Variants in PELI2 observed in about 807,000 individuals in gnomAD.
PELI2 encodes the protein E3 ubiquitin-protein ligase pellino homolog 2.
A neutral mutation model predicts 42.3 loss-of-function variants in PELI2; 23 were observed. That is an observed-to-expected ratio of 0.54 (90% confidence interval 0.39 to 0.77). PELI2 has a LOEUF of 0.77. Among genes scored for constraint, PELI2 ranks in the 30% least tolerant of loss-of-function variants. The pLI is 0.00. For synonymous variants in PELI2, 245 were observed against 212.2 expected (o/e 1.15, Z -1.34); for missense variants, 463 against 553.2 (o/e 0.84, Z 1.64).
rs2139564923 is a variant in PELI2, at chr14:56,118,528, C to G, written c.-133C>G. The G allele has an allele frequency of 4.2e-6, 2 of 480,382 alleles. No individual in the cohort carries two copies. Among genetic ancestry groups the G allele is most frequent in the Non-Finnish European group, 6.6e-6 (2 of 303,570 alleles). 29.8% of individuals were successfully genotyped at this position (480,382 alleles called of 1,614,324 possible). On this transcript the variant is annotated 5_prime_UTR_variant, in exon 1 of 6. Coordinates refer to ENST00000267460, the MANE Select transcript of PELI2 (RefSeq NM_021255.3). Reference sequence around the variant, plus strand: ...AGCGGGACTGGCCGCCCCGCGCCCCCTTCGCCGCCGTGCCCTTCCCCGGCG... The same window carrying G: ...AGCGGGACTGGCCGCCCCGCGCCCCGTTCGCCGCCGTGCCCTTCCCCGGCG...
chr14:56,123,668 A>G (rs980363289), intron 1 of PELI2, among the ~76,000 whole-genome samples: 3 of 152,082 alleles, frequency 2.0e-5, no homozygotes, highest in Non-Finnish European at 4.4e-5. Context: ...AGGTCTTTTC[A>G]TTTCTGGTTG....
rs1466408332 is a variant in PELI2, at chr14:56,219,914, T to C, written c.207+41450T>C. ...GCAGCCTCCTTAAAACAGCTCAGGA[T>C]TGAAAAAACTCTTGTGCAGAACAGT... On this transcript the variant is annotated intron_variant, in intron 2 of 5. Coordinates refer to ENST00000267460, the MANE Select transcript of PELI2 (RefSeq NM_021255.3). This position sits in a 1 kb window ranked among gnomAD's most constrained non-coding sequence, Gnocchi z 4.1. Among the ~76,000 whole-genome samples, 1 of 152,188 alleles carries C rather than the reference T, an allele frequency of 6.6e-6. No homozygotes were observed. The highest frequency in any genetic ancestry group is 1.5e-5 in the Non-Finnish European group (1 of 68,022).
chr14:56,235,219 TA>T (rs369833830), intron 2 of PELI2, among the ~76,000 whole-genome samples: 19 of 147,054 alleles, frequency 1.3e-4, no homozygotes, highest in African/African-American at 3.0e-4. Context: ...TAGAACCACC[TA>T]AAAAAAAAAG....
At chr14:56,278,979 A>G (rs965976819) in intron 2 of PELI2, among the ~76,000 whole-genome samples, 2 of 152,186 alleles carry the variant, frequency 1.3e-5, no homozygotes, top group Middle Eastern at 3.2e-3. Flanking sequence ...CAAACATATC[A>G]CTATGGACAA....
rs142848379 is a variant in PELI2, at chr14:56,197,504, C to A, written c.207+19040C>A. Among the ~76,000 whole-genome samples the A allele has an allele frequency of 1.1e-3, 171 of 152,092 alleles. 1 individual carries two copies. The highest frequency in any genetic ancestry group is 3.5e-3 in the African/African-American group (144 of 41,484). On this transcript the variant is annotated intron_variant, in intron 2 of 5. Coordinates refer to ENST00000267460, the MANE Select transcript of PELI2 (RefSeq NM_021255.3). This position sits in a 1 kb window ranked among gnomAD's most constrained non-coding sequence, Gnocchi z 4.9. ...TTTGGGGAGACATTTATGCATGAAG[C>A]GGGTGTTCTGGCTTTGATATGGAAG...
chr14:56,280,575 C>G lies in PELI2; in HGVS notation c.309+798C>G, dbSNP rs1014447544. Among the ~76,000 whole-genome samples, 4 of 151,840 alleles carry G rather than the reference C, an allele frequency of 2.6e-5. No homozygotes were observed. The South Asian group carries it at 8.3e-4, about 32-fold the overall frequency. On this transcript the variant is annotated intron_variant, in intron 3 of 5. Coordinates refer to ENST00000267460, the MANE Select transcript of PELI2 (RefSeq NM_021255.3). ...AGTTAAATTATTACATAAATGATGT[C>G]GAAACAAACATCAAAAGAGTATGAT...
chr14:56,159,287 G>A (rs1884672882), intron 1 of PELI2, among the ~76,000 whole-genome samples: 1 of 152,198 alleles, frequency 6.6e-6, no homozygotes, highest in Admixed American at 6.5e-5. Context: ...TGTGGTCTGG[G>A]TCTTCTCCAA....
At chr14:56,181,990 G>A (rs1360538865) in intron 2 of PELI2, among the ~76,000 whole-genome samples, 1 of 152,118 alleles carries the variant, frequency 6.6e-6, no homozygotes, top group Non-Finnish European at 1.5e-5. Context: ...ACCTTCCATG[G>A]CCAGGCATCA....
At chr14:56,183,872 G>A (rs1377222352) in intron 2 of PELI2, among the ~76,000 whole-genome samples, 1 of 152,130 alleles carries the variant, frequency 6.6e-6, no homozygotes, top group African/African-American at 2.4e-5. Context: ...CACAGATGGT[G>A]CAAGTATAGT....
At chr14:56,229,710 C>A (rs72618560) in intron 2 of PELI2, among the ~76,000 whole-genome samples, 1 of 152,198 alleles carries the variant, frequency 6.6e-6, no homozygotes, top group African/African-American at 2.4e-5. Context: ...GAATGCAGCT[C>A]CTCACCAGCA....
chr14:56,256,316 G>A (rs1442217354), intron 2 of PELI2, among the ~76,000 whole-genome samples: 1 of 152,020 alleles, frequency 6.6e-6, no homozygotes, highest in Admixed American at 6.6e-5. Flanking sequence ...CACACTTGTA[G>A]TCCCAGCTAC....
intron 5 of PELI2, among the ~76,000 whole-genome samples, chr14:56,294,688 G>A (rs1173876862): frequency 2.0e-5 from 3 of 152,100 alleles, no homozygotes; most frequent in Admixed American, 6.5e-5. Context: ...ACCTAGGTGC[G>A]GATAACATCC....
At chr14:56,282,477 A>T (rs1236201207) in intron 3 of PELI2, among the ~76,000 whole-genome samples, 1 of 152,114 alleles carries the variant, frequency 6.6e-6, no homozygotes, top group Non-Finnish European at 1.5e-5. Context: ...TTAACAAGAC[A>T]TGAATGTAGC....
chr14:56,186,645 G>A (rs1004483287), intron 2 of PELI2, among the ~76,000 whole-genome samples: 32 of 152,236 alleles, frequency 2.1e-4, no homozygotes, highest in African/African-American at 6.3e-4. Flanking sequence ...CAGGGAATGA[G>A]GTTTTTTGTT....
At chr14:56,224,390 A>G (rs1230354986) in intron 2 of PELI2, among the ~76,000 whole-genome samples, 1 of 152,240 alleles carries the variant, frequency 6.6e-6, no homozygotes, top group East Asian at 1.9e-4. Context: ...TGCACAGTTA[A>G]TAAGTTGGAA....
chr14:56,187,251 C>T (rs898347771), intron 2 of PELI2, among the ~76,000 whole-genome samples: 1 of 152,190 alleles, frequency 6.6e-6, no homozygotes, highest in South Asian at 2.1e-4. Flanking sequence ...TTATTCATCT[C>T]CAAACTAGAA....
At chr14:56,228,566 T>C (rs1887444048) in intron 2 of PELI2, among the ~76,000 whole-genome samples, 1 of 152,248 alleles carries the variant, frequency 6.6e-6, no homozygotes, top group African/African-American at 2.4e-5. Flanking sequence ...AACTTAACAT[T>C]TTTTAAAAAC....
intron 2 of PELI2, among the ~76,000 whole-genome samples, chr14:56,217,908 A>C (rs1886970278): frequency 6.6e-6 from 1 of 152,202 alleles, no homozygotes; most frequent in Admixed American, 6.5e-5. Context: ...GCCAGCTAAT[A>C]CAGAGCTACT....
At chr14:56,225,709 G>C (rs1887328024) in intron 2 of PELI2, among the ~76,000 whole-genome samples, 1 of 152,122 alleles carries the variant, frequency 6.6e-6, no homozygotes, top group South Asian at 2.1e-4. Context: ...GGTTTTCCTT[G>C]TCCTAGAGGA....
Sources: allele counts gnomAD v4.1 joint callset (sites outside exome capture counted in the v4.1 genomes callset), GRCh38; gene constraint gnomAD v4.1.1; non-coding constraint Gnocchi (gnomAD v3.1); transcripts MANE v1.5; gene names NCBI Gene and HGNC (gene_info 2026-07-23, HGNC 2026-07-21).